TAFA2: variants seen among roughly 807,000 people sequenced by gnomAD.
The protein encoded by TAFA2 is TAFA chemokine like family member 2.
A neutral mutation model predicts 18.8 loss-of-function variants in TAFA2; 7 were observed. The ratio of observed to expected loss-of-function variants is 0.37; its 90% CI spans 0.21 to 0.70. TAFA2 has a LOEUF of 0.70. Ranked by LOEUF, TAFA2 falls within the 30% of genes least tolerant of loss-of-function variation. The pLI is 0.53. For missense variants in TAFA2, 122 were observed against 158.1 expected (o/e 0.77, Z 1.23); for synonymous variants, 60 against 54.2 (o/e 1.11, Z -0.47).
chr12:61,895,963 C>T (rs1277907818), intron 1 of TAFA2, among the ~76,000 whole-genome samples: 1 of 151,756 alleles, frequency 6.6e-6, no homozygotes, highest in Non-Finnish European at 1.5e-5. Flanking sequence ...ACAGATTGCC[C>T]TGTAAATAAG....
chr12:62,255,481 G>A (rs1381781645), intron 1 of TAFA2, among the ~76,000 whole-genome samples: 1 of 152,156 alleles, frequency 6.6e-6, no homozygotes, highest in Non-Finnish European at 1.5e-5. Context: ...AGGACCTGCA[G>A]AATATACTAT....
intron 1 of TAFA2, among the ~76,000 whole-genome samples, chr12:62,031,614 C>A (rs1881461576): frequency 6.6e-6 from 1 of 152,078 alleles, no homozygotes; most frequent in Admixed American, 6.6e-5. Context: ...GCCAAGGAGG[C>A]TCTTGAAGGC....
At chr12:61,886,295 C>G (rs1000978169) in intron 1 of TAFA2, among the ~76,000 whole-genome samples, 3 of 152,122 alleles carry the variant, frequency 2.0e-5, no homozygotes, top group African/African-American at 4.8e-5. Flanking sequence ...GGAAATTGAG[C>G]TTCTACCATT....
chr12:61,889,656 A>C (rs1875541091), intron 1 of TAFA2, among the ~76,000 whole-genome samples: 1 of 151,952 alleles, frequency 6.6e-6, no homozygotes, highest in Non-Finnish European at 1.5e-5. Context: ...TTATTATTTT[A>C]ATATTATTTT....
At chr12:61,766,161 C>T (rs1407761178) in intron 2 of TAFA2, among the ~76,000 whole-genome samples, 1 of 152,112 alleles carries the variant, frequency 6.6e-6, no homozygotes, top group African/African-American at 2.4e-5. Flanking sequence ...CCTATACACA[C>T]ATAAACACAC....
At chr12:62,091,440 A>G (rs1868707983) in intron 1 of TAFA2, among the ~76,000 whole-genome samples, 1 of 151,982 alleles carries the variant, frequency 6.6e-6, no homozygotes, top group Admixed American at 6.6e-5. Flanking sequence ...ACTTAAATAC[A>G]TGGAACTCAC....
At chr12:61,925,092 T>C (rs758043267) in intron 1 of TAFA2, among the ~76,000 whole-genome samples, 2 of 151,818 alleles carry the variant, frequency 1.3e-5, no homozygotes, top group Non-Finnish European at 2.9e-5. Context: ...AAAAGCAACC[T>C]TTAGACACCT....
chr12:61,802,924 G>T (rs1871458421), intron 2 of TAFA2, among the ~76,000 whole-genome samples: 1 of 151,906 alleles, frequency 6.6e-6, no homozygotes, highest in African/African-American at 2.4e-5. Flanking sequence ...ATCCTCAGAG[G>T]AATTCACTGG....
rs60069379 is a variant in TAFA2 at position 62,080,520 on chromosome 12, G to GAA, written c.-2+110737_-2+110738dup. On this transcript the variant is annotated intron_variant, in intron 1 of 4. Coordinates refer to ENST00000416284, the MANE Select transcript of TAFA2 (RefSeq NM_178539.5). The stretch of plus-strand genomic sequence containing the variant: ...AATTATCCCCTGGGTAGAAAGAAAA[G>GAA]AAAAAAAAAAAGTAAAAGTGAATCA... Among the ~76,000 whole-genome samples the GAA allele has an allele frequency of 3.1e-4, 45 of 144,900 alleles. No homozygotes were observed. In the South Asian group the frequency reaches 8.3e-3, roughly 27 times the overall value.
chr12:62,099,219 CA>C (rs1869081142), intron 1 of TAFA2, among the ~76,000 whole-genome samples: 1 of 151,706 alleles, frequency 6.6e-6, no homozygotes, highest in South Asian at 2.1e-4. Flanking sequence ...GAACATCCTC[CA>C]AATCAATATG....
At chr12:61,979,714 C>A (rs963111987) in intron 1 of TAFA2, among the ~76,000 whole-genome samples, 9 of 151,900 alleles carry the variant, frequency 5.9e-5, no homozygotes, top group Admixed American at 1.3e-4. Flanking sequence ...AAAAGAAAAA[C>A]CAATCTTAAA....
chr12:62,119,109 C>T (rs1051672276), intron 1 of TAFA2, among the ~76,000 whole-genome samples: 2 of 151,770 alleles, frequency 1.3e-5, no homozygotes, highest in African/African-American at 4.8e-5. Flanking sequence ...GTTGTTTTTT[C>T]ATGTAGTGTG....
At chr12:61,872,679 A>G (rs1592450772) in intron 1 of TAFA2, among the ~76,000 whole-genome samples, 1 of 152,118 alleles carries the variant, frequency 6.6e-6, no homozygotes, top group African/African-American at 2.4e-5. Context: ...CTACGCTTCA[A>G]GCACACTGGC....
At chr12:61,746,485 T>C (rs1868714900) in intron 4 of TAFA2, among the ~76,000 whole-genome samples, 1 of 152,074 alleles carries the variant, frequency 6.6e-6, no homozygotes, top group African/African-American at 2.4e-5. Flanking sequence ...CTGAATGAGC[T>C]TGGAAGTGGA....
chr12:62,020,497 G>A (rs1053015177), intron 1 of TAFA2, among the ~76,000 whole-genome samples: 1 of 152,190 alleles, frequency 6.6e-6, no homozygotes. Flanking sequence ...GGTAGAAATG[G>A]GCATGGTGTT....
intron 1 of TAFA2, among the ~76,000 whole-genome samples, chr12:61,899,532 A>G (rs1876004095): frequency 6.6e-6 from 1 of 152,106 alleles, no homozygotes; most frequent in Admixed American, 6.6e-5. Flanking sequence ...AAACTATCAA[A>G]TACTTATAAA....
chr12:62,007,591 G>A (rs1267526253), intron 1 of TAFA2, among the ~76,000 whole-genome samples: 2 of 152,222 alleles, frequency 1.3e-5, no homozygotes, highest in African/African-American at 2.4e-5. Context: ...ATGACTTCCA[G>A]GGCCCCATTC....
chr12:61,926,653 A>G (rs1877306893), intron 1 of TAFA2, among the ~76,000 whole-genome samples: 1 of 152,226 alleles, frequency 6.6e-6, no homozygotes, highest in Non-Finnish European at 1.5e-5. Context: ...ACACTCCTTC[A>G]TGCTAAAAAC....
At chr12:61,899,562 A>G (rs1490221669) in intron 1 of TAFA2, among the ~76,000 whole-genome samples, 1 of 152,180 alleles carries the variant, frequency 6.6e-6, no homozygotes, top group Non-Finnish European at 1.5e-5. Context: ...TCTCATGAGA[A>G]TTCACTCACT....
Sources: allele counts gnomAD v4.1 joint callset (sites outside exome capture counted in the v4.1 genomes callset), GRCh38; gene constraint gnomAD v4.1.1; transcripts MANE v1.5; gene names NCBI Gene and HGNC (gene_info 2026-07-23, HGNC 2026-07-21).